The following THAP4 variants were observed in gnomAD, a reference collection of about 807,000 sequenced individuals.
THAP4 encodes THAP domain containing 4, also known as peroxynitrite isomerase THAP4.
In THAP4, 18 loss-of-function variants were observed where a neutral mutation model predicts 48.1. That is an observed-to-expected ratio of 0.37 (90% confidence interval 0.26 to 0.56). THAP4 has a LOEUF of 0.56. THAP4 is among the 20% of genes least tolerant of loss of function. The probability of loss-of-function intolerance (pLI) is 0.78; values close to 1 mark genes in which losing one functional copy is unlikely to be tolerated. For missense variants in THAP4, 656 were observed against 774.9 expected, an observed-to-expected ratio of 0.85 and a Z score of 1.82; for synonymous variants, 345 against 324.9, an observed-to-expected ratio of 1.06 and a Z score of -0.66.
At chr2:241,593,200 G>A (rs1575018458) in intron 5 of THAP4, among the ~76,000 whole-genome samples, 3 of 152,002 alleles carry the variant, frequency 2.0e-5, no homozygotes, top group South Asian at 2.1e-4. Context: ...AGCCGAGATC[G>A]CACTGCTGCA....
At chr2:241,593,709 C>T (rs964128205) in intron 5 of THAP4, among the ~76,000 whole-genome samples, 1 of 152,142 alleles carries the variant, frequency 6.6e-6, no homozygotes, top group Non-Finnish European at 1.5e-5. Context: ...TATTTTGAGA[C>T]AGGGTCTCAC....
At chr2:241,592,784 G>A (rs557566492) in intron 5 of THAP4, among the ~76,000 whole-genome samples, 34 of 152,302 alleles carry the variant, frequency 2.2e-4, no homozygotes, top group African/African-American at 7.5e-4. Flanking sequence ...CGCTATGGCC[G>A]GCAGCATCAA....
intron 5 of THAP4, among the ~76,000 whole-genome samples, chr2:241,594,094 G>C (rs1358169996): frequency 6.6e-6 from 1 of 152,218 alleles, no homozygotes; most frequent in Admixed American, 6.5e-5. Flanking sequence ...GTCATGAAAA[G>C]GAGTGAGGCC....
At chr2:241,615,807 AG>A (rs1325347142) in intron 2 of THAP4, among the ~76,000 whole-genome samples, 1 of 152,176 alleles carries the variant, frequency 6.6e-6, no homozygotes, top group Non-Finnish European at 1.5e-5. Flanking sequence ...CGCCACTGGC[AG>A]CCACCCAGCA....
At chr2:241,604,664 C>G (rs1247101884) in intron 3 of THAP4, among the ~76,000 whole-genome samples, 1 of 152,190 alleles carries the variant, frequency 6.6e-6, no homozygotes, top group Non-Finnish European at 1.5e-5. Flanking sequence ...CCTGCCTTGA[C>G]CTCCCAAAGT....
intron 3 of THAP4, among the ~76,000 whole-genome samples, chr2:241,604,764 C>T (rs2067158686): frequency 6.6e-6 from 1 of 150,620 alleles, no homozygotes; most frequent in Non-Finnish European, 1.5e-5. Flanking sequence ...CACTGTGTTG[C>T]CCAGGCTGGT....
intron 2 of THAP4, among the ~76,000 whole-genome samples, chr2:241,611,752 GA>G (rs1249046103): frequency 2.0e-5 from 3 of 150,090 alleles, no homozygotes; most frequent in African/African-American, 7.4e-5. Context: ...AATTAAGAAA[GA>G]AAGGCATGCT....
At chr2:241,615,726 C>A (rs946284545) in intron 2 of THAP4, among the ~76,000 whole-genome samples, 2 of 152,252 alleles carry the variant, frequency 1.3e-5, no homozygotes, top group African/African-American at 2.4e-5. Context: ...CCACACACAG[C>A]GCCCTGCCCG....
intron 2 of THAP4, among the ~76,000 whole-genome samples, chr2:241,631,892 TC>T (rs1026148627): frequency 1.3e-5 from 2 of 151,494 alleles, no homozygotes; most frequent in Admixed American, 6.6e-5. Flanking sequence ...GTATTGTATT[TC>T]TTTTTTTTTT....
intron 3 of THAP4, among the ~76,000 whole-genome samples, chr2:241,604,783 C>T (rs2067158953): frequency 1.3e-5 from 2 of 152,036 alleles, no homozygotes; most frequent in Non-Finnish European, 2.9e-5. Flanking sequence ...GTCTTGGACT[C>T]CTGGACTCAA....
Position 241,601,972 on chromosome 2 carries a change from A to G in THAP4, c.1538T>C (p.Val513Ala). ...TGCGATGCACAGCTCCTGCCCGTTC[A>G]CCTCGCCCTCCTCCACTTCCACCAC... ...TGVVEVEEGE[V>A]NGQELCIASH... Residue 513 changes from valine (V) to alanine (A), a missense_variant, in exon 5 of 6, where the codon GTG becomes GCG. Physicochemically the swap from Val to Ala is moderately conservative, Grantham distance 64. This residue lies in a region of THAP4 where 176 missense variants were observed against 256.7 expected (regional missense o/e 0.69). Coordinates refer to ENST00000407315, the MANE Select transcript of THAP4 (RefSeq NM_015963.6). The surrounding 1 kb of genome is among the most constrained non-coding windows in gnomAD (Gnocchi z 4.0). 1 of 1,612,102 alleles carries G rather than the reference A, an allele frequency of 6.2e-7. No individual in the cohort carries two copies. Among genetic ancestry groups the G allele is most frequent in the Non-Finnish European group, 8.5e-7 (1 of 1,179,952 alleles).
chr2:241,618,862 G>C (rs753019426), intron 2 of THAP4, among the ~76,000 whole-genome samples: 2 of 152,172 alleles, frequency 1.3e-5, no homozygotes, highest in Non-Finnish European at 2.9e-5. Context: ...GGGATGAGGA[G>C]GGGGAGGTGA....
In THAP4 at chr2:241,610,667, C is replaced by CT. The variant is rs2067259344; in HGVS notation, c.1241-4195dup. 6.6e-6 allele frequency among the ~76,000 whole-genome samples: 1 copy of CT among 152,094 alleles called. No homozygotes were observed. Among genetic ancestry groups the CT allele is most frequent in the Non-Finnish European group, 1.5e-5 (1 of 67,984 alleles). On this transcript the variant is annotated intron_variant, in intron 2 of 5. Transcript: ENST00000407315. The surrounding 1 kb of genome is among the most constrained non-coding windows in gnomAD (Gnocchi z 4.2). Reference sequence around the variant, plus strand: ...GACGCCTCTCACCGGCAGCCTCTGCCTCCCCCTGGTCTTTCCCTCCCACCA... The same window carrying CT: ...GACGCCTCTCACCGGCAGCCTCTGCCTTCCCCCTGGTCTTTCCCTCCCACCA...
At position 241,610,986 on chromosome 2, in the gene THAP4, A is replaced by G. The variant is rs1237962878; in HGVS notation, c.1241-4513T>C. Among the ~76,000 whole-genome samples the G allele has an allele frequency of 6.6e-6, 1 of 151,796 alleles. No individual in the cohort carries two copies. Among genetic ancestry groups the G allele is most frequent in the African/African-American group, 2.4e-5 (1 of 41,302 alleles). On this transcript the variant is annotated intron_variant, in intron 2 of 5. Transcript: ENST00000407315. The surrounding 1 kb of genome is among the most constrained non-coding windows in gnomAD (Gnocchi z 4.2). ...CTCTCAGGTAAGTAACAATATTATC[A>G]CCTTCCCTCCCAAGAATTAAAAAAA...
At chr2:241,605,103 G>T (rs2067162870) in intron 3 of THAP4, among the ~76,000 whole-genome samples, 1 of 152,086 alleles carries the variant, frequency 6.6e-6, no homozygotes, top group Non-Finnish European at 1.5e-5. Flanking sequence ...AGACTGCTTG[G>T]GTTCTGGGTT....
At chr2:241,626,583 A>T (rs2125095499) in intron 2 of THAP4, among the ~76,000 whole-genome samples, 1 of 149,840 alleles carries the variant, frequency 6.7e-6, no homozygotes, top group African/African-American at 2.4e-5. Context: ...TTTTTTTTTT[A>T]GACGGAGTCT....
chr2:241,637,243 A>C (rs983812593), upstream of THAP4: 2 of 1,040,752 alleles, frequency 1.9e-6, no homozygotes, highest in Admixed American at 1.2e-4. Flanking sequence ...GCGTCTTCGG[A>C]CCAGCGGGGC....
intron 2 of THAP4, among the ~76,000 whole-genome samples, chr2:241,624,738 G>A (rs1166434651): frequency 1.3e-5 from 2 of 152,180 alleles, no homozygotes; most frequent in Admixed American, 6.5e-5. Flanking sequence ...TGGAGGGGGT[G>A]GGGCTCAAAG....
intron 2 of THAP4, among the ~76,000 whole-genome samples, chr2:241,626,103 C>G (rs2067493621): frequency 6.6e-6 from 1 of 152,148 alleles, no homozygotes; most frequent in Non-Finnish European, 1.5e-5. Flanking sequence ...ATGATAACAG[C>G]TCTCAGCAAC....
Sources: allele counts gnomAD v4.1 joint callset (sites outside exome capture counted in the v4.1 genomes callset), GRCh38; gene constraint gnomAD v4.1.1; regional missense constraint gnomAD v4.1.1; non-coding constraint Gnocchi (gnomAD v3.1); transcripts MANE v1.5; gene names NCBI Gene and HGNC (gene_info 2026-07-23, HGNC 2026-07-21).